The following LRMDA variants were observed in gnomAD, a reference collection of about 807,000 sequenced individuals.
LRMDA encodes leucine-rich melanocyte differentiation-associated protein.
Under a neutral mutation model 29.8 loss-of-function variants are expected in LRMDA, and 18 were observed. The ratio of observed to expected loss-of-function variants is 0.60; its 90% CI spans 0.42 to 0.90. The LOEUF is 0.90. LRMDA is among the 40% of genes least tolerant of loss of function. LRMDA has a pLI of 0.00. For synonymous variants in LRMDA, 125 were observed against 109.4 expected (o/e 1.14, Z -0.89); for missense variants, 273 against 273.9 (o/e 1.00, Z 0.02).
intron 5 of LRMDA, among the ~76,000 whole-genome samples, chr10:76,172,621 C>G (rs954047391): frequency 6.6e-6 from 1 of 152,164 alleles, no homozygotes; most frequent in Non-Finnish European, 1.5e-5. Context: ...AAGAAACTCT[C>G]TAAAGGAGCA....
chr10:76,144,378 T>G (rs2132154894), intron 5 of LRMDA, among the ~76,000 whole-genome samples: 1 of 152,286 alleles, frequency 6.6e-6, no homozygotes, highest in South Asian at 2.1e-4. Flanking sequence ...TGAGCAGTGG[T>G]TTGTAGTTCT....
At chr10:75,542,434 G>T (rs1384800289) in intron 2 of LRMDA, among the ~76,000 whole-genome samples, 1 of 152,038 alleles carries the variant, frequency 6.6e-6, no homozygotes, top group Non-Finnish European at 1.5e-5. Flanking sequence ...ATCCTGTTTA[G>T]CATTCCTAGT....
At chr10:75,842,696 G>C (rs1216574202) in intron 2 of LRMDA, among the ~76,000 whole-genome samples, 1 of 152,082 alleles carries the variant, frequency 6.6e-6, no homozygotes, top group East Asian at 1.9e-4. Flanking sequence ...GTACATGCTG[G>C]GTCACCATGT....
chr10:76,132,505 A>G (rs1403233183), intron 5 of LRMDA, among the ~76,000 whole-genome samples: 1 of 152,204 alleles, frequency 6.6e-6, no homozygotes, highest in African/African-American at 2.4e-5. Flanking sequence ...GTTCAGGGTC[A>G]CATTGGAGTT....
intron 5 of LRMDA, among the ~76,000 whole-genome samples, chr10:76,095,352 GTAC>G (rs1402768712): frequency 1.3e-5 from 2 of 152,180 alleles, no homozygotes; most frequent in African/African-American, 4.8e-5. Flanking sequence ...ACATATGGAT[GTAC>G]TACTATTTGT....
rs146076285 is a variant in LRMDA, at chr10:76,324,429, C to T, written c.545C>T (p.Pro182Leu). ...KASSEDVASS[P>L]ERHYTPLPSA... ...TCTAGTGAGGACGTTGCCAGCTCCCCGGAGCGCCACTACACGCCCTTGCCT... is the reference window on the plus strand; with the variant it reads ...TCTAGTGAGGACGTTGCCAGCTCCCTGGAGCGCCACTACACGCCCTTGCCT... The change falls in exon 6 of 7, where the codon CCG becomes CTG. Residue 182 changes from proline to leucine, a missense_variant. Transcript: ENST00000611255. 7.2e-5 allele frequency: 116 copies of T among 1,614,074 alleles called. No homozygotes were observed. Among genetic ancestry groups the T allele is most frequent in the African/African-American group, 5.2e-4 (39 of 74,998 alleles).
rs192659711 is a variant in LRMDA, at chr10:76,443,176, C to T, written c.602-114033C>T. On this transcript the variant is annotated intron_variant, in intron 6 of 6. Coordinates refer to ENST00000611255, the MANE Select transcript of LRMDA (RefSeq NM_001305581.2). Reference sequence around the variant, plus strand: ...ACCTGGTACCTGAACTTAGATCAAACAGCTTTAAGACAAACAGATGTGTAC... The same window carrying T: ...ACCTGGTACCTGAACTTAGATCAAATAGCTTTAAGACAAACAGATGTGTAC... Among the ~76,000 whole-genome samples, 397 of 152,272 alleles carry T rather than the reference C, an allele frequency of 2.6e-3. 1 individual carries two copies. The Middle Eastern group carries it at 0.037, about 14-fold the overall frequency.
intron 2 of LRMDA, among the ~76,000 whole-genome samples, chr10:75,627,194 C>G (rs1284808366): frequency 6.6e-6 from 1 of 152,174 alleles, no homozygotes; most frequent in African/African-American, 2.4e-5. Context: ...CTTTTACTTA[C>G]CAGTGAGCTC....
intron 6 of LRMDA, among the ~76,000 whole-genome samples, chr10:76,367,424 T>A (rs1841403686): frequency 4.0e-5 from 1 of 25,262 alleles, no homozygotes; most frequent in Admixed American, 2.3e-4. Flanking sequence ...ATTTTTTTAA[T>A]TTTTAATTTT....
chr10:75,563,176 G>A (rs1347436340), intron 2 of LRMDA, among the ~76,000 whole-genome samples: 3 of 152,026 alleles, frequency 2.0e-5, no homozygotes, highest in African/African-American at 4.8e-5. Context: ...CCAATCAGAC[G>A]TAGATTTGGT....
intron 2 of LRMDA, among the ~76,000 whole-genome samples, chr10:75,964,092 C>T (rs547679420): frequency 9.6e-4 from 146 of 152,006 alleles, no homozygotes; most frequent in African/African-American, 3.4e-3. Flanking sequence ...TATGAAATTT[C>T]GAGCTACATA....
At chr10:76,128,349 G>T (rs1227610980) in intron 5 of LRMDA, among the ~76,000 whole-genome samples, 1 of 152,216 alleles carries the variant, frequency 6.6e-6, no homozygotes, top group African/African-American at 2.4e-5. Context: ...ACCCTGAGTT[G>T]GTGTGGATGG....
At chr10:75,501,387 A>G (rs1173790851) in intron 2 of LRMDA, among the ~76,000 whole-genome samples, 3 of 152,152 alleles carry the variant, frequency 2.0e-5, no homozygotes, top group Non-Finnish European at 2.9e-5. Flanking sequence ...TGTTTAAATG[A>G]TTCTTTTTCT....
At chr10:75,842,012 A>G (rs963374476) in intron 2 of LRMDA, among the ~76,000 whole-genome samples, 3 of 152,180 alleles carry the variant, frequency 2.0e-5, no homozygotes, top group African/African-American at 4.8e-5. Context: ...TTAGATATCC[A>G]CGTTTTTCTG....
chr10:75,815,827 A>G (rs1042442379), intron 2 of LRMDA, among the ~76,000 whole-genome samples: 2 of 152,230 alleles, frequency 1.3e-5, no homozygotes, highest in Non-Finnish European at 2.9e-5. Flanking sequence ...GTGTGCTTCA[A>G]GTATTTTTAT....
intron 2 of LRMDA, among the ~76,000 whole-genome samples, chr10:75,719,062 A>C (rs1333061389): frequency 6.6e-6 from 1 of 152,236 alleles, no homozygotes; most frequent in Non-Finnish European, 1.5e-5. Flanking sequence ...GTAAATTTTC[A>C]TTTGGCATTA....
rs146196995 is a variant in LRMDA at position 76,386,737 on chromosome 10, G to A, written c.601+62252G>A. Among the ~76,000 whole-genome samples, 418 of 152,156 alleles carry A rather than the reference G, an allele frequency of 2.7e-3. 1 individual carries two copies. The highest frequency in any genetic ancestry group is 9.6e-3 in the African/African-American group (398 of 41,532). ...TTGACAGATTTTATAACATAAAAAT[G>A]TGTATTTTTATATATCTGTAGCATT... On this transcript the variant is annotated intron_variant, in intron 6 of 6. Coordinates refer to ENST00000611255, the MANE Select transcript of LRMDA (RefSeq NM_001305581.2).
chr10:76,110,703 T>C lies in LRMDA; in HGVS notation c.516+51920T>C, dbSNP rs146226659. On this transcript the variant is annotated intron_variant, in intron 5 of 6. Coordinates refer to ENST00000611255, the MANE Select transcript of LRMDA (RefSeq NM_001305581.2). ...TTTCCACTTTTGCTTCCTCCTCATT[T>C]TCTCTTGCCGCTGCCATGTAAGAAG... Among the ~76,000 whole-genome samples, 602 of 152,354 alleles carry C rather than the reference T, an allele frequency of 4.0e-3. 4 individuals are homozygous for C. Among genetic ancestry groups the C allele is most frequent in the Middle Eastern group, 0.024 (7 of 294 alleles).
chr10:75,578,215 C>CAAAA lies in LRMDA; in HGVS notation c.131+139742_131+139745dup, dbSNP rs1183989010. 7.9e-3 allele frequency among the ~76,000 whole-genome samples: 113 copies of CAAAA among 14,228 alleles called. 15 individuals are homozygous for CAAAA. Among genetic ancestry groups the CAAAA allele is most frequent in the East Asian group, 0.031 (3 of 98 alleles). The allele number at this position is 14,228 out of a possible 152,430, so 9.3% of individuals were successfully genotyped here. ...GTATATTTACCAAGCAAATGGAAAG[C>CAAAA]AAAAAAAAAAAAAAAAAAAAAAAAG... On this transcript the variant is annotated intron_variant, in intron 2 of 6. Coordinates refer to ENST00000611255, the MANE Select transcript of LRMDA (RefSeq NM_001305581.2).
Sources: gnomAD v4.1 joint callset for allele counts (sites outside exome capture counted in the v4.1 genomes callset) on GRCh38, gnomAD v4.1.1 for gene constraint, MANE v1.5 for transcripts, NCBI Gene and HGNC (gene_info 2026-07-23, HGNC 2026-07-21) for gene names.